The following AGTR1 variants were observed in gnomAD, a reference collection of about 807,000 sequenced individuals.
The protein encoded by AGTR1 is angiotensin II receptor type 1, also known as type-1 angiotensin II receptor.
A neutral mutation model predicts 19.4 loss-of-function variants in AGTR1; 16 were observed. That is an observed-to-expected ratio of 0.82 (90% confidence interval 0.56 to 1.25). The LOEUF is 1.25. Ranked by LOEUF, AGTR1 falls within the 50% of genes most tolerant of loss-of-function variation. The probability of loss-of-function intolerance (pLI) is 0.00; values close to 1 mark genes in which losing one functional copy is unlikely to be tolerated. For missense variants in AGTR1, 373 were observed against 431.9 expected (o/e 0.86, Z 1.21); for synonymous variants, 153 against 154.9 (o/e 0.99, Z 0.09).
chr3:148,706,462 TC>T (rs1712672274), intron 1 of AGTR1, among the ~76,000 whole-genome samples: 1 of 152,120 alleles, frequency 6.6e-6, no homozygotes, highest in South Asian at 2.1e-4. Context: ...TAAATAAATT[TC>T]TTATTTAAAA....
At chr3:148,710,344 G>A (rs935946123) in intron 2 of AGTR1, among the ~76,000 whole-genome samples, 2 of 151,970 alleles carry the variant, frequency 1.3e-5, no homozygotes, top group Admixed American at 6.6e-5. Flanking sequence ...AATGTTTCAC[G>A]TGCTTTTCTA....
intron 1 of AGTR1, among the ~76,000 whole-genome samples, chr3:148,705,793 A>T (rs1405097788): frequency 6.6e-6 from 1 of 151,826 alleles, no homozygotes; most frequent in Admixed American, 6.6e-5. Flanking sequence ...ACTGTATAAC[A>T]TATGAATCGT....
At chr3:148,709,317 C>G (rs1712851677) in intron 2 of AGTR1, among the ~76,000 whole-genome samples, 1 of 152,052 alleles carries the variant, frequency 6.6e-6, no homozygotes, top group South Asian at 2.1e-4. Context: ...AGCCCACTAG[C>G]AGGAAAAGCA....
At chr3:148,738,902 AG>A (rs1424239000) in intron 2 of AGTR1, among the ~76,000 whole-genome samples, 1 of 152,194 alleles carries the variant, frequency 6.6e-6, no homozygotes, top group East Asian at 1.9e-4. Flanking sequence ...TTGTCCATTC[AG>A]TCACTCATTC....
intron 2 of AGTR1, among the ~76,000 whole-genome samples, chr3:148,721,432 T>C (rs1018349627): frequency 1.3e-5 from 2 of 152,162 alleles, no homozygotes; most frequent in Non-Finnish European, 2.9e-5. Context: ...GACTTCTGCT[T>C]CCAGCCAAGA....
In AGTR1 at chr3:148,741,746, T is replaced by C; in HGVS notation, c.711T>C (p.Asp237=). Residue 237 remains aspartate (D), a synonymous_variant, in exon 3 of 3, where the codon GAT becomes GAC. Coordinates refer to ENST00000349243, the MANE Select transcript of AGTR1 (RefSeq NM_000685.5). The stretch of plus-strand genomic sequence containing the variant: ...AGAAGAACAAACCAAGAAATGATGA[T>C]ATTTTTAAGATAATTATGGCAATTG... The part of the protein sequence containing the change: ...EIQKNKPRND[D]IFKIIMAIVL... 2 of 1,613,892 alleles carry C rather than the reference T, an allele frequency of 1.2e-6. No homozygotes were observed. Among genetic ancestry groups the C allele is most frequent in the East Asian group, 2.2e-5 (1 of 44,886 alleles).
intron 2 of AGTR1, among the ~76,000 whole-genome samples, chr3:148,713,746 A>G (rs1166116306): frequency 6.6e-6 from 1 of 152,154 alleles, no homozygotes; most frequent in East Asian, 1.9e-4. Context: ...GGCAGCCAAA[A>G]AGGGCTTTGA....
chr3:148,710,608 T>C (rs1304304405), intron 2 of AGTR1, among the ~76,000 whole-genome samples: 1 of 152,192 alleles, frequency 6.6e-6, no homozygotes, highest in East Asian at 1.9e-4. Context: ...ACATAATTAA[T>C]TGATTTTTTA....
chr3:148,732,827 G>A (rs1194161001), intron 2 of AGTR1, among the ~76,000 whole-genome samples: 162 of 130,934 alleles, frequency 1.2e-3, no homozygotes, highest in African/African-American at 4.0e-3. Flanking sequence ...TGCAAGCTCT[G>A]CCTCCCGGGT....
chr3:148,707,145 T>C lies in AGTR1; in HGVS notation c.-131-799T>C, dbSNP rs988693779. On this transcript the variant is annotated intron_variant, in intron 1 of 2. Transcript: ENST00000349243. ...CATCAAAATGAATGAGGTAGATTTA[T>C]ATATGCTGATGTAGGAAATCTGCTA... Among the ~76,000 whole-genome samples, 3 of 152,072 alleles carry C rather than the reference T, an allele frequency of 2.0e-5. No individual in the cohort carries two copies. The East Asian group carries it at 5.8e-4, about 29-fold the overall frequency.
chr3:148,735,081 C>T (rs566052920), intron 2 of AGTR1, among the ~76,000 whole-genome samples: 5 of 152,052 alleles, frequency 3.3e-5, no homozygotes, highest in African/African-American at 7.2e-5. Context: ...GATAAAGTTC[C>T]AGTGACTTTG....
intron 2 of AGTR1, among the ~76,000 whole-genome samples, chr3:148,722,435 A>G (rs1713698339): frequency 6.6e-6 from 1 of 152,346 alleles, no homozygotes; most frequent in South Asian, 2.1e-4. Context: ...TTTGTTTCAC[A>G]TCCCCACAAC....
At chr3:148,738,258 T>G (rs1404811202) in intron 2 of AGTR1, among the ~76,000 whole-genome samples, 1 of 152,136 alleles carries the variant, frequency 6.6e-6, no homozygotes, top group Non-Finnish European at 1.5e-5. Context: ...TTTACTGCCC[T>G]TATTCCCAAG....
In AGTR1 at chr3:148,726,434, C is replaced by T. The variant is rs371663525; in HGVS notation, c.-47-14555C>T. 2.0e-3 allele frequency among the ~76,000 whole-genome samples: 303 copies of T among 152,220 alleles called. 2 individuals are homozygous for T. The highest frequency in any genetic ancestry group is 6.9e-3 in the African/African-American group (286 of 41,516). ...ATGCTGGCCAGGCTGGTCTCGAGCT[C>T]CTGACCTTGTGATCCGCCCACCTTG... On this transcript the variant is annotated intron_variant, in intron 2 of 2. Transcript: ENST00000349243.
At chr3:148,738,034 C>T (rs1385041692) in intron 2 of AGTR1, among the ~76,000 whole-genome samples, 5 of 152,076 alleles carry the variant, frequency 3.3e-5, no homozygotes, top group Admixed American at 1.3e-4. Context: ...CAGACTTTTT[C>T]CCACAGAAAT....
At chr3:148,699,489 C>T (rs1712197988) in intron 1 of AGTR1, among the ~76,000 whole-genome samples, 1 of 152,142 alleles carries the variant, frequency 6.6e-6, no homozygotes, top group African/African-American at 2.4e-5. Flanking sequence ...CTGGTACCTT[C>T]TCCTTCCTCT....
intron 2 of AGTR1, chr3:148,739,765 A>G: frequency 8.1e-7 from 1 of 1,230,990 alleles, no homozygotes; most frequent in African/African-American, 1.5e-5. Flanking sequence ...TTGGCATGGC[A>G]GTGGTGTCTT....
chr3:148,729,869 C>T (rs1032027563), intron 2 of AGTR1, among the ~76,000 whole-genome samples: 1 of 152,172 alleles, frequency 6.6e-6, no homozygotes, highest in African/African-American at 2.4e-5. Flanking sequence ...TGCCTTTCAG[C>T]CTCCCCTCTC....
chr3:148,698,093 C>T lies in AGTR1; in HGVS notation c.-166C>T, dbSNP rs1018825817. 5 of 152,142 alleles carry T rather than the reference C, an allele frequency of 3.3e-5. No homozygotes were observed. Among genetic ancestry groups the T allele is most frequent in the African/African-American group, 9.6e-5 (4 of 41,520 alleles). 9.4% of individuals were successfully genotyped at this position (152,142 alleles called of 1,614,324 possible). A position where few individuals can be genotyped will look rare whatever the true frequency, so the allele number is the denominator to read the frequency against. ...GGAGACCCGCACCAGCGCAGCCGGC[C>T]CTCGGCGGGACGTGACGCAGCGCCC... On this transcript the variant is annotated 5_prime_UTR_variant, in exon 1 of 3. Coordinates refer to ENST00000349243, the MANE Select transcript of AGTR1 (RefSeq NM_000685.5).
Sources: gnomAD v4.1 joint callset for allele counts (sites outside exome capture counted in the v4.1 genomes callset) on GRCh38, gnomAD v4.1.1 for gene constraint, MANE v1.5 for transcripts, NCBI Gene and HGNC (gene_info 2026-07-23, HGNC 2026-07-21) for gene names.